Variants in CFAP299 observed in about 807,000 individuals in gnomAD.
The protein encoded by CFAP299 is cilia and flagella associated protein 299.
In CFAP299, 21 loss-of-function variants were observed where a neutral mutation model predicts 27.0. That is an observed-to-expected ratio of 0.78 (90% CI 0.55 to 1.12). The LOEUF (loss-of-function observed/expected upper bound fraction) is 1.12. CFAP299 is among the 50% of genes most tolerant of loss of function. The pLI is 0.00. For synonymous variants in CFAP299, 104 were observed against 98.1 expected, an observed-to-expected ratio of 1.06 and a Z score of -0.36; for missense variants, 310 against 276.6, an observed-to-expected ratio of 1.12 and a Z score of -0.86.
intron 2 of CFAP299, among the ~76,000 whole-genome samples, chr4:80,575,083 T>C (rs1578620552): frequency 1.3e-5 from 2 of 152,288 alleles, no homozygotes; most frequent in East Asian, 3.9e-4. Context: ...AGTAAAGTCA[T>C]TGGGTCCCAG....
intron 3 of CFAP299, among the ~76,000 whole-genome samples, chr4:80,676,806 T>TTTTATTTCTGGTTTTA (rs1719491595): frequency 6.6e-6 from 1 of 152,146 alleles, no homozygotes; most frequent in Non-Finnish European, 1.5e-5. Flanking sequence ...ATGTCTCCTT[T>TTTTATTTCTGGTTTTA]TTTATTTCTG....
intron 3 of CFAP299, among the ~76,000 whole-genome samples, chr4:80,817,377 C>T (rs1237276261): frequency 6.6e-6 from 1 of 151,828 alleles, no homozygotes. Context: ...TTAATATTAA[C>T]ATATGAATAA....
At position 80,846,799 on chromosome 4, in the gene CFAP299, T is replaced by G. The variant is rs140097357; in HGVS notation, c.334-23194T>G. On this transcript the variant is annotated intron_variant, in intron 3 of 5. Transcript: ENST00000358105. ...TTCTTTTCTACTCCTTTATCTCTGA[T>G]TTTTTAGTCTTTGCTTTCTCCTGAA... Among the ~76,000 whole-genome samples, 592 of 152,256 alleles carry G rather than the reference T, an allele frequency of 3.9e-3. 1 individual carries two copies. Among genetic ancestry groups the G allele is most frequent in the Middle Eastern group, 0.01 (3 of 294 alleles).
At chr4:80,945,263 T>C (rs183017024) in intron 5 of CFAP299, among the ~76,000 whole-genome samples, 1 of 152,298 alleles carries the variant, frequency 6.6e-6, no homozygotes, top group Non-Finnish European at 1.5e-5. Context: ...GTCCAGCCAC[T>C]TGTTGCTGTT....
At chr4:80,556,527 A>G (rs985693838) in intron 2 of CFAP299, among the ~76,000 whole-genome samples, 2 of 152,046 alleles carry the variant, frequency 1.3e-5, no homozygotes, top group African/African-American at 4.8e-5. Context: ...AAGGAAGCTA[A>G]ACACCATCTC....
intron 4 of CFAP299, among the ~76,000 whole-genome samples, chr4:80,906,513 T>A (rs1333816196): frequency 6.6e-6 from 1 of 152,226 alleles, no homozygotes; most frequent in Non-Finnish European, 1.5e-5. Flanking sequence ...TTCCACATTG[T>A]CCTAGCAGTT....
intron 3 of CFAP299, among the ~76,000 whole-genome samples, chr4:80,633,276 G>A (rs1427401172): frequency 5.9e-5 from 9 of 151,934 alleles, no homozygotes; most frequent in Non-Finnish European, 7.4e-5. Flanking sequence ...GTGAAACCCC[G>A]TCTCTACTAA....
chr4:80,881,163 G>A (rs572605955), intron 4 of CFAP299, among the ~76,000 whole-genome samples: 1 of 152,294 alleles, frequency 6.6e-6, no homozygotes, highest in Admixed American at 6.5e-5. Flanking sequence ...TATGGAGTGA[G>A]GTTCTTTCTC....
At chr4:80,816,148 A>T (rs1729410489) in intron 3 of CFAP299, among the ~76,000 whole-genome samples, 1 of 152,106 alleles carries the variant, frequency 6.6e-6, no homozygotes, top group African/African-American at 2.4e-5. Flanking sequence ...AAGATTTAAA[A>T]AACAGATACC....
At chr4:80,700,042 T>C (rs1217463037) in intron 3 of CFAP299, among the ~76,000 whole-genome samples, 2 of 152,116 alleles carry the variant, frequency 1.3e-5, no homozygotes, top group Admixed American at 6.6e-5. Context: ...GGTAGGTAAA[T>C]TGTACTTAAA....
At chr4:80,514,969 A>G (rs1050590970) in intron 2 of CFAP299, among the ~76,000 whole-genome samples, 1 of 152,122 alleles carries the variant, frequency 6.6e-6, no homozygotes, top group Non-Finnish European at 1.5e-5. Context: ...GAGTCACCTC[A>G]ACCCACCCAG....
At chr4:80,388,128 CA>C (rs1725119432) in intron 2 of CFAP299, 4 of 674,852 alleles carry the variant, frequency 5.9e-6, no homozygotes, top group Admixed American at 2.2e-5. Flanking sequence ...TTGGGATGCC[CA>C]GGGGGGCCCA....
intron 2 of CFAP299, among the ~76,000 whole-genome samples, chr4:80,548,711 G>C (rs1347354548): frequency 6.6e-6 from 1 of 152,088 alleles, no homozygotes; most frequent in Non-Finnish European, 1.5e-5. Flanking sequence ...TTAGGACTCT[G>C]ATCAGGGTAT....
At chr4:80,442,288 T>C (rs1320833528) in intron 2 of CFAP299, among the ~76,000 whole-genome samples, 1 of 152,144 alleles carries the variant, frequency 6.6e-6, no homozygotes, top group Non-Finnish European at 1.5e-5. Flanking sequence ...TATTCTAAAA[T>C]TGACCACATA....
At chr4:80,420,616 A>G (rs1727245460) in intron 2 of CFAP299, among the ~76,000 whole-genome samples, 1 of 151,946 alleles carries the variant, frequency 6.6e-6, no homozygotes, top group African/African-American at 2.4e-5. Flanking sequence ...TAATCAGATT[A>G]TTTGTTTTCT....
At chr4:80,574,655 G>GT (rs2109858997) in intron 2 of CFAP299, among the ~76,000 whole-genome samples, 1 of 152,112 alleles carries the variant, frequency 6.6e-6, no homozygotes, top group South Asian at 2.1e-4. Context: ...GTTTTTGAGG[G>GT]TTTTTATCAT....
intron 2 of CFAP299, among the ~76,000 whole-genome samples, chr4:80,537,453 T>C (rs1018069051): frequency 2.6e-5 from 4 of 152,082 alleles, no homozygotes; most frequent in African/African-American, 9.7e-5. Flanking sequence ...CACCAGTGCA[T>C]GAATAAATAA....
chr4:80,847,592 T>G (rs1310985610), intron 3 of CFAP299, among the ~76,000 whole-genome samples: 2 of 152,218 alleles, frequency 1.3e-5, no homozygotes, highest in Non-Finnish European at 2.9e-5. Flanking sequence ...GAAATCTGAC[T>G]GATGCACTAA....
intron 3 of CFAP299, among the ~76,000 whole-genome samples, chr4:80,860,631 G>A (rs1732269973): frequency 6.6e-6 from 1 of 152,186 alleles, no homozygotes; most frequent in African/African-American, 2.4e-5. Context: ...CTAACAGACA[G>A]AACCTTCAGC....
Sources: gnomAD v4.1 joint callset for allele counts (sites outside exome capture counted in the v4.1 genomes callset) on GRCh38, gnomAD v4.1.1 for gene constraint, MANE v1.5 for transcripts, NCBI Gene and HGNC (gene_info 2026-07-23, HGNC 2026-07-21) for gene names.